LRP1B: variants seen among roughly 807,000 people sequenced by gnomAD.
LRP1B encodes the protein low-density lipoprotein receptor-related protein 1B.
A neutral mutation model predicts 556.6 loss-of-function variants in LRP1B; 217 were observed. The ratio of observed to expected loss-of-function variants is 0.39; its 90% CI spans 0.35 to 0.44. The LOEUF (loss-of-function observed/expected upper bound fraction) is 0.44, where lower values mean the gene tolerates loss of function less well. LRP1B is among the 20% of genes least tolerant of loss of function. LRP1B has a pLI of 1.00. For synonymous variants in LRP1B, 2,047 were observed against 1,865.8 expected (o/e 1.10, Z -2.50); for missense variants, 5,053 against 5,620.8 (o/e 0.90, Z 3.23).
intron 27 of LRP1B, among the ~76,000 whole-genome samples, chr2:140,857,162 A>C (rs1056556861): frequency 3.3e-5 from 5 of 152,206 alleles, no homozygotes; most frequent in African/African-American, 1.2e-4. Flanking sequence ...AAATTCAAAT[A>C]AAATACACAT....
chr2:141,913,443 G>A (rs188411045), intron 1 of LRP1B, among the ~76,000 whole-genome samples: 109 of 152,122 alleles, frequency 7.2e-4, no homozygotes, highest in African/African-American at 1.9e-3. Flanking sequence ...TACACTATGC[G>A]GCTGAAAAAA....
Position 141,625,295 on chromosome 2 carries a change from C to G in LRP1B, c.206-144762G>C, listed in dbSNP as rs553947318. Among the ~76,000 whole-genome samples, 3 of 152,070 alleles carry G rather than the reference C, an allele frequency of 2.0e-5. No homozygotes were observed. In the South Asian group the frequency reaches 6.2e-4, roughly 32 times the overall value. ...TAATTATTCAAACATGGAATGGTAC[C>G]TTGAGTGAGGTAATTAATATTATAC... On this transcript the variant is annotated intron_variant, in intron 2 of 90. Transcript: ENST00000389484.
At chr2:141,672,512 C>G (rs1428434015) in intron 2 of LRP1B, among the ~76,000 whole-genome samples, 1 of 152,162 alleles carries the variant, frequency 6.6e-6, no homozygotes, top group African/African-American at 2.4e-5. Context: ...TTTGTGATTG[C>G]AGGACTGAAC....
intron 18 of LRP1B, among the ~76,000 whole-genome samples, chr2:140,975,035 G>A (rs1359455985): frequency 6.6e-6 from 1 of 152,154 alleles, no homozygotes; most frequent in African/African-American, 2.4e-5. Flanking sequence ...TAAGAGAGCA[G>A]CCTGCTCACA....
chr2:140,406,294 G>A (rs1684734383), intron 66 of LRP1B, among the ~76,000 whole-genome samples: 1 of 152,000 alleles, frequency 6.6e-6, no homozygotes. Context: ...AGATAAGGAT[G>A]TTCACTTTCA....
chr2:141,236,275 A>T (rs1268787619), intron 5 of LRP1B, among the ~76,000 whole-genome samples: 3 of 152,180 alleles, frequency 2.0e-5, no homozygotes, highest in Non-Finnish European at 4.4e-5. Context: ...CATATGCATT[A>T]CCTCACATAG....
At chr2:140,725,254 T>C (rs981562556) in intron 35 of LRP1B, among the ~76,000 whole-genome samples, 4 of 152,124 alleles carry the variant, frequency 2.6e-5, no homozygotes, top group African/African-American at 9.6e-5. Flanking sequence ...TTCTACATTT[T>C]TCAATCATCA....
chr2:141,647,702 A>G (rs1313368538), intron 2 of LRP1B, among the ~76,000 whole-genome samples: 1 of 41,232 alleles, frequency 2.4e-5, no homozygotes, highest in African/African-American at 7.6e-5. Flanking sequence ...ATAACCTTCT[A>G]GTTTTTTTTT....
At chr2:141,472,500 A>G (rs991397561) in intron 3 of LRP1B, among the ~76,000 whole-genome samples, 1 of 152,196 alleles carries the variant, frequency 6.6e-6, no homozygotes, top group African/African-American at 2.4e-5. Context: ...AAATTGTACC[A>G]GTGCACTCCA....
chr2:140,770,804 G>T (rs2104938374), intron 34 of LRP1B, 77 bp downstream of exon 34: 1 of 1,250,776 alleles, frequency 8.0e-7, no homozygotes, highest in Non-Finnish European at 1.1e-6. Context: ...ACTGACTTTG[G>T]TTGCCTAACA....
At chr2:142,038,336 G>A (rs902385667) in intron 1 of LRP1B, among the ~76,000 whole-genome samples, 1 of 151,548 alleles carries the variant, frequency 6.6e-6, no homozygotes, top group Non-Finnish European at 1.5e-5. Context: ...TATGAATTAG[G>A]ACTAAAGATG....
chr2:141,680,033 T>C (rs562588254), intron 2 of LRP1B, among the ~76,000 whole-genome samples: 24 of 152,110 alleles, frequency 1.6e-4, no homozygotes, highest in African/African-American at 4.6e-4. Flanking sequence ...ATAAAGTATT[T>C]CTTTGGGAGA....
At chr2:142,014,752 G>T (rs1703067379) in intron 1 of LRP1B, among the ~76,000 whole-genome samples, 1 of 152,090 alleles carries the variant, frequency 6.6e-6, no homozygotes, top group Non-Finnish European at 1.5e-5. Flanking sequence ...CATTGCAAGT[G>T]CCACAGAGAC....
At chr2:141,520,281 A>G (rs572261648) in intron 2 of LRP1B, among the ~76,000 whole-genome samples, 1 of 152,300 alleles carries the variant, frequency 6.6e-6, no homozygotes, top group East Asian at 1.9e-4. Flanking sequence ...CTGCATCATG[A>G]AAAGCAGTCC....
intron 27 of LRP1B, among the ~76,000 whole-genome samples, chr2:140,856,722 C>T (rs369969461): frequency 4.0e-5 from 6 of 149,878 alleles, no homozygotes; most frequent in African/African-American, 1.2e-4. Flanking sequence ...GATACGCTGG[C>T]GGGAACTAAG....
At chr2:141,630,292 GA>G (rs1419468554) in intron 2 of LRP1B, among the ~76,000 whole-genome samples, 1 of 152,030 alleles carries the variant, frequency 6.6e-6, no homozygotes, top group Non-Finnish European at 1.5e-5. Context: ...GAAACAGCTG[GA>G]AAAAACAATA....
At chr2:141,500,949 T>C (rs968655162) in intron 2 of LRP1B, among the ~76,000 whole-genome samples, 2 of 152,130 alleles carry the variant, frequency 1.3e-5, no homozygotes, top group Non-Finnish European at 2.9e-5. Context: ...TTTTTTTCAT[T>C]GTTTGCCCTT....
intron 27 of LRP1B, among the ~76,000 whole-genome samples, chr2:140,864,915 T>G (rs1196214573): frequency 6.6e-6 from 1 of 152,054 alleles, no homozygotes; most frequent in East Asian, 1.9e-4. Context: ...GACTCATGAA[T>G]CTGAAATAAA....
chr2:141,632,255 A>G (rs745430632), intron 2 of LRP1B, among the ~76,000 whole-genome samples: 1 of 152,178 alleles, frequency 6.6e-6, no homozygotes, highest in Non-Finnish European at 1.5e-5. Context: ...ATAATAATTT[A>G]TCTAATGTTT....
Sources: gnomAD v4.1 joint callset for allele counts (sites outside exome capture counted in the v4.1 genomes callset) on GRCh38, gnomAD v4.1.1 for gene constraint, MANE v1.5 for transcripts, NCBI Gene and HGNC (gene_info 2026-07-23, HGNC 2026-07-21) for gene names.